DHRS4L2: variants seen among roughly 807,000 people sequenced by gnomAD.
DHRS4L2 encodes dehydrogenase/reductase SDR family member 4-like 2.
Under a neutral mutation model 23.9 loss-of-function variants are expected in DHRS4L2, and 22 were observed. The observed-to-expected ratio is 0.92, with a 90% CI of 0.66 to 1.31. The LOEUF (loss-of-function observed/expected upper bound fraction) is 1.31. DHRS4L2 is among the 40% of genes most tolerant of loss of function. The probability of loss-of-function intolerance (pLI) is 0.00; values close to 1 mark genes in which losing one functional copy is unlikely to be tolerated. For synonymous variants in DHRS4L2, 141 were observed against 123.7 expected (o/e 1.14, Z -0.93); for missense variants, 385 against 303.3 (o/e 1.27, Z -2.00).
chr14:23,972,565 A>G (rs1174806044), intron 1 of DHRS4L2, among the ~76,000 whole-genome samples: 1 of 151,898 alleles, frequency 6.6e-6, no homozygotes, highest in Non-Finnish European at 1.5e-5. Flanking sequence ...GCGGGTTGCT[A>G]CTGCTTGAAG....
chr14:23,989,847 T>G (rs61999798), intron 1 of DHRS4L2, among the ~76,000 whole-genome samples: 1 of 151,684 alleles, frequency 6.6e-6, no homozygotes, highest in Non-Finnish European at 1.5e-5. Context: ...GAGTGAGACC[T>G]TCAAATCACG....
chr14:24,000,909 T>C lies in DHRS4L2; in HGVS notation c.455T>C (p.Val152Ala), dbSNP rs1158097383. The change falls in exon 4 of 8, where the codon GTG becomes GCG. Residue 152 changes from valine to alanine, a missense_variant. Transcript: ENST00000335125. ...GCCCCAGCCCTGATGACAAAGGCAG[T>C]GGTGCCAGAAATGGAGAAACGAGGG... is the stretch of plus-strand genomic sequence containing the variant. ...VKAPALMTKA[V>A]VPEMEKRGGG... 1 of 1,611,118 alleles carries C rather than the reference T, an allele frequency of 6.2e-7. No individual in the cohort carries two copies. The highest frequency in any genetic ancestry group is 8.5e-7 in the Non-Finnish European group (1 of 1,179,272).
intron 3 of DHRS4L2, among the ~76,000 whole-genome samples, chr14:23,999,344 T>TTA (rs2034440952): frequency 7.5e-5 from 4 of 53,676 alleles, no homozygotes; most frequent in Non-Finnish European, 1.9e-4. Context: ...CTCCAATTTG[T>TTA]AAAAAAAAAA....
At chr14:23,992,448 C>T (rs913505588) in intron 2 of DHRS4L2, among the ~76,000 whole-genome samples, 7 of 151,642 alleles carry the variant, frequency 4.6e-5, no homozygotes, top group African/African-American at 9.7e-5. Context: ...CTGCCAGTTG[C>T]CACATGTTAC....
At chr14:23,992,511 C>T (rs2138540359) in intron 2 of DHRS4L2, among the ~76,000 whole-genome samples, 1 of 151,394 alleles carries the variant, frequency 6.6e-6, no homozygotes, top group East Asian at 1.9e-4. Flanking sequence ...CAGTGGCCTC[C>T]TCATCTGCAC....
At chr14:23,991,514 C>A (rs2034269078) in intron 2 of DHRS4L2, among the ~76,000 whole-genome samples, 2 of 151,712 alleles carry the variant, frequency 1.3e-5, no homozygotes, top group South Asian at 4.2e-4. Context: ...GGCCTACAGG[C>A]CTGGCCCAGA....
chr14:23,975,356 A>G (rs896941258), intron 1 of DHRS4L2, among the ~76,000 whole-genome samples: 10 of 151,940 alleles, frequency 6.6e-5, no homozygotes, highest in African/African-American at 2.4e-4. Context: ...TAAAATACCT[A>G]GAAATCCAAC....
At chr14:23,988,806 G>T, upstream of DHRS4L2, 2 of 1,399,996 alleles carry the variant, frequency 1.4e-6, no homozygotes, top group Non-Finnish European at 1.9e-6. Context: ...GGCGGGAGGC[G>T]CCAACCGCCA....
At chr14:23,986,282 C>A (rs1269080732), upstream of DHRS4L2, among the ~76,000 whole-genome samples, 1 of 151,210 alleles carries the variant, frequency 6.6e-6, no homozygotes, top group Non-Finnish European at 1.5e-5. Flanking sequence ...ACTGCATGTT[C>A]TCACTCATAG....
At position 24,006,185 on chromosome 14, in the gene DHRS4L2, TG is replaced by T. The variant is rs1480382928; in HGVS notation, c.*323del. 7.8e-7 allele frequency: 1 copy of T among 1,282,670 alleles called. No individual in the cohort carries two copies. Among genetic ancestry groups the T allele is most frequent in the Non-Finnish European group, 1.0e-6 (1 of 971,534 alleles). 79.5% of individuals were successfully genotyped at this position (1,282,670 alleles called of 1,614,324 possible). On this transcript the variant is annotated 3_prime_UTR_variant, in exon 8 of 8. Transcript: ENST00000335125. ...GCGTCTTACTCGGGATTCCTGCTGT[TG>T]TTGTGGCCTTGGGTAAAGGCCTCCC...
intron 1 of DHRS4L2, 143 bp downstream of exon 1, chr14:23,989,218 C>A: frequency 7.0e-7 from 1 of 1,438,142 alleles, no homozygotes; most frequent in South Asian, 1.4e-5. Context: ...CCACGTGGTC[C>A]GCCTGAAGCC....
chr14:23,993,724 C>T lies in DHRS4L2; in HGVS notation c.307-1308C>T, dbSNP rs192070223. On this transcript the variant is annotated intron_variant, in intron 2 of 7. Coordinates refer to ENST00000335125, the MANE Select transcript of DHRS4L2 (RefSeq NM_198083.4). Reference sequence around the variant, plus strand: ...ATTTCAGTTTCTGCCTTGAATCTTTCATGCCTCCAGGTCAAAAGAGAGAGA... The same window carrying T: ...ATTTCAGTTTCTGCCTTGAATCTTTTATGCCTCCAGGTCAAAAGAGAGAGA... 7.5e-4 allele frequency among the ~76,000 whole-genome samples: 114 copies of T among 151,820 alleles called. 2 individuals are homozygous for T. The highest frequency in any genetic ancestry group is 1.5e-3 in the Admixed American group (23 of 15,272).
At chr14:23,974,701 C>A (rs114482619) in intron 1 of DHRS4L2, among the ~76,000 whole-genome samples, 1 of 151,792 alleles carries the variant, frequency 6.6e-6, no homozygotes, top group Admixed American at 6.6e-5. Flanking sequence ...TAAATCAGGA[C>A]GAAGTTGAAT....
intron 1 of DHRS4L2, among the ~76,000 whole-genome samples, chr14:23,974,967 G>C (rs1197137922): frequency 6.6e-6 from 1 of 151,722 alleles, no homozygotes; most frequent in African/African-American, 2.4e-5. Context: ...TTTTAGGCCA[G>C]TATCCCTGAT....
chr14:24,001,954 C>CTTTT (rs1357496148), intron 6 of DHRS4L2, among the ~76,000 whole-genome samples: 1 of 3,010 alleles, frequency 3.3e-4, no homozygotes, highest in Admixed American at 6.6e-3. Context: ...TCACTTTCCT[C>CTTTT]TTCTTTTTTT....
intron 1 of DHRS4L2, among the ~76,000 whole-genome samples, chr14:23,973,493 G>A (rs1594450069): frequency 6.6e-6 from 1 of 151,988 alleles, no homozygotes; most frequent in East Asian, 1.9e-4. Context: ...CTGAGGCTGA[G>A]GAGGTGCCAA....
chr14:23,970,718 G>T (rs1594446834), intron 1 of DHRS4L2, among the ~76,000 whole-genome samples: 2 of 152,030 alleles, frequency 1.3e-5, no homozygotes, highest in Admixed American at 1.3e-4. Context: ...CCGACCAGTA[G>T]GGGCGGAGAG....
chr14:23,981,350 A>C (rs1397097133), intron 1 of DHRS4L2, among the ~76,000 whole-genome samples: 1 of 151,756 alleles, frequency 6.6e-6, no homozygotes, highest in Non-Finnish European at 1.5e-5. Context: ...GATAGGAAGA[A>C]TCAATATCGT....
rs2034574089 is a variant in DHRS4L2, at chr14:24,006,136, C to T, written c.*273C>T. ...AATCAGTTCTGCCCTGTGAAAAGAT[C>T]CAGCCTTCCCTGCCGTCAAGGTGGC... On this transcript the variant is annotated 3_prime_UTR_variant, in exon 8 of 8. Transcript: ENST00000335125. The T allele has an allele frequency of 9.1e-6, 12 of 1,315,166 alleles. No homozygotes were observed. The South Asian group carries it at 1.9e-4, about 21-fold the overall frequency. The allele number at this position is 1,315,166 out of a possible 1,614,324, so 81.5% of individuals were successfully genotyped here. A position where few individuals can be genotyped will look rare whatever the true frequency, so the allele number is the denominator to read the frequency against.
Sources: allele counts gnomAD v4.1 joint callset (sites outside exome capture counted in the v4.1 genomes callset), GRCh38; gene constraint gnomAD v4.1.1; transcripts MANE v1.5; gene names NCBI Gene and HGNC (gene_info 2026-07-23, HGNC 2026-07-21).